Variants in FOXP4 observed in about 807,000 individuals in gnomAD.
FOXP4 encodes the protein forkhead box P4.
FOXP4 carries 25 observed loss-of-function variants against 82.6 expected under a neutral mutation model. The ratio of observed to expected loss-of-function variants is 0.30; its 90% CI spans 0.22 to 0.42. The LOEUF (loss-of-function observed/expected upper bound fraction) is 0.42, where lower values mean the gene tolerates loss of function less well. Ranked by LOEUF, FOXP4 falls within the 10% of genes least tolerant of loss-of-function variation. FOXP4 has a pLI of 1.00. For synonymous variants in FOXP4, 415 were observed against 388.2 expected (o/e 1.07, Z -0.81); for missense variants, 785 against 900.9 (o/e 0.87, Z 1.65).
chr6:41,551,563 A>G (rs1764000603), intron 1 of FOXP4, among the ~76,000 whole-genome samples: 1 of 152,168 alleles, frequency 6.6e-6, no homozygotes, highest in Admixed American at 6.5e-5. Context: ...AGTGCAAGAT[A>G]GAGGTAAATG....
chr6:41,578,129 G>A (rs1765593022), intron 3 of FOXP4, 48 bp downstream of exon 3: 1 of 1,521,436 alleles, frequency 6.6e-7, no homozygotes, highest in Non-Finnish European at 9.1e-7. Flanking sequence ...TGGAGTGTGG[G>A]CCTGGCACAG....
intron 16 of FOXP4, 97 bp from the exon 17 acceptor site, chr6:41,598,692 C>T (rs1767028207): frequency 6.6e-7 from 1 of 1,503,806 alleles, no homozygotes. Flanking sequence ...CTGTGGGCAC[C>T]CCACTGTGCC....
At chr6:41,554,785 G>A (rs1054770108) in intron 1 of FOXP4, among the ~76,000 whole-genome samples, 2 of 152,082 alleles carry the variant, frequency 1.3e-5, no homozygotes, top group South Asian at 2.1e-4. Flanking sequence ...GCTTGAACCC[G>A]GGAGGCGGAG....
intron 14 of FOXP4, 121 bp downstream of exon 14, chr6:41,595,112 G>T: frequency 1.4e-6 from 2 of 1,455,502 alleles, no homozygotes; most frequent in South Asian, 1.3e-5. Flanking sequence ...GGGGGAAGGG[G>T]TGTGGGGAGA....
intron 1 of FOXP4, among the ~76,000 whole-genome samples, chr6:41,547,830 A>G (rs1401947705): frequency 7.0e-6 from 1 of 142,458 alleles, no homozygotes; most frequent in Non-Finnish European, 1.5e-5. Flanking sequence ...CAACCCCAGC[A>G]CCTCTCTGAC....
intron 5 of FOXP4, 111 bp downstream of exon 5, chr6:41,585,628 A>C: frequency 3.2e-6 from 3 of 931,844 alleles, no homozygotes; most frequent in African/African-American, 1.7e-5. Context: ...AAATCTAGAA[A>C]AGGCTGAGGA....
In FOXP4 at chr6:41,598,811, G is replaced by A; in HGVS notation, c.1918G>A (p.Glu640Lys). ...QYSHQVQVKE[E>K]PAEAEEDRQP... is the part of the protein sequence containing the mutation. The stretch of plus-strand genomic sequence containing the variant: ...CAGCCACCAGGTGCAGGTGAAGGAG[G>A]AGCCAGCAGAGGCAGAGGAAGACAG... Residue 640 changes from glutamate to lysine, a missense_variant, in exon 17 of 17, where the codon GAG (glutamate) becomes AAG (lysine). Transcript: ENST00000307972. 6.4e-7 allele frequency: 1 copy of A among 1,567,078 alleles called. No homozygotes were observed. The highest frequency in any genetic ancestry group is 8.7e-7 in the Non-Finnish European group (1 of 1,156,018).
rs139750093 is a variant in FOXP4, at chr6:41,565,818, G to A, written c.58G>A (p.Val20Met). Residue 20 changes from valine (V) to methionine (M), a missense_variant, in exon 2 of 17, where the codon GTG becomes ATG. This residue lies in a region of FOXP4 where 570 missense variants were observed against 634.0 expected (regional missense o/e 0.90). Transcript: ENST00000307972. ...IRSAPSGQNG[V>M]GSLSGQADGS... ...GTCGGCTCCATCTGGTCAGAATGGC[G>A]TGGGCAGCCTCTCTGGGCAAGCCGA... is the stretch of plus-strand genomic sequence containing the variant. 392 of 1,613,722 alleles carry A rather than the reference G, an allele frequency of 2.4e-4. No homozygotes were observed. Among genetic ancestry groups the A allele is most frequent in the Non-Finnish European group, 3.1e-4 (363 of 1,179,972 alleles).
Position 41,589,762 on chromosome 6 carries a change from C to A in FOXP4, c.1066-9C>A. 1 of 1,610,442 alleles carries A rather than the reference C, an allele frequency of 6.2e-7. No individual in the cohort carries two copies. The highest frequency in any genetic ancestry group is 8.5e-7 in the Non-Finnish European group (1 of 1,179,542). ...TCCCGCTCACCTCCTGCTTTGCCAC[C>A]CTCCACAGCTCGCCAAGGAGAGCGA... On this transcript the variant is annotated splice_polypyrimidine_tract_variant and intron_variant, in intron 9 of 16. Coordinates refer to ENST00000307972, the MANE Select transcript of FOXP4 (RefSeq NM_001012426.2).
At chr6:41,588,427 C>A (rs1325427894) in intron 8 of FOXP4, among the ~76,000 whole-genome samples, 1 of 152,224 alleles carries the variant, frequency 6.6e-6, no homozygotes, top group African/African-American at 2.4e-5. Context: ...GCAATTAGAT[C>A]TCTCTGTAGC....
chr6:41,584,930 G>C (rs1431633957), intron 4 of FOXP4, 39 bp downstream of exon 4: 1 of 1,567,688 alleles, frequency 6.4e-7, no homozygotes, highest in African/African-American at 1.3e-5. Flanking sequence ...CTCCTCCTCT[G>C]CCTGGCCTGG....
chr6:41,572,599 CCTT>C (rs1765264635), intron 2 of FOXP4, among the ~76,000 whole-genome samples: 1 of 152,164 alleles, frequency 6.6e-6, no homozygotes, highest in African/African-American at 2.4e-5. Context: ...CCTTCTAGTC[CCTT>C]CTTTTCCTAA....
In FOXP4 at chr6:41,562,563, A is replaced by G. The variant is rs578071153; in HGVS notation, c.-16-3182A>G. On this transcript the variant is annotated intron_variant, in intron 1 of 16. Coordinates refer to ENST00000307972, the MANE Select transcript of FOXP4 (RefSeq NM_001012426.2). ...TCCTTCCTTCTTTCTCTTTTTCCAA[A>G]CTTACTGTCTGATCTGCAACTTTAT... is the stretch of plus-strand genomic sequence containing the variant. Among the ~76,000 whole-genome samples, 3 of 152,126 alleles carry G rather than the reference A, an allele frequency of 2.0e-5. No homozygotes were observed. The South Asian group carries it at 6.2e-4, about 32-fold the overall frequency.
At chr6:41,547,541 T>C (rs936035527) in intron 1 of FOXP4, 1 of 152,328 alleles carries the variant, frequency 6.6e-6, no homozygotes, top group African/African-American at 2.4e-5. Flanking sequence ...TCAGCCCCTT[T>C]TCCATCGCTC....
chr6:41,597,526 G>A (rs1766918948), intron 15 of FOXP4, among the ~76,000 whole-genome samples: 1 of 152,156 alleles, frequency 6.6e-6, no homozygotes, highest in Admixed American at 6.5e-5. Flanking sequence ...TTCCCTGGGA[G>A]AGGGGATAAG....
chr6:41,586,564 G>T (rs143466624), intron 5 of FOXP4, among the ~76,000 whole-genome samples: 21 of 152,350 alleles, frequency 1.4e-4, no homozygotes, highest in African/African-American at 5.0e-4. Flanking sequence ...AGAGCTGGGG[G>T]AGAGAAAACT....
chr6:41,570,769 T>G (rs1284294116), intron 2 of FOXP4, among the ~76,000 whole-genome samples: 1 of 152,170 alleles, frequency 6.6e-6, no homozygotes, highest in Non-Finnish European at 1.5e-5. Flanking sequence ...GGGAGATGAA[T>G]GTTCCTTCTG....
intron 4 of FOXP4, 42 bp downstream of exon 4, chr6:41,584,933 T>TG: frequency 6.4e-7 from 1 of 1,564,620 alleles, no homozygotes; most frequent in Non-Finnish European, 8.6e-7. Flanking sequence ...CTCCTCTGCC[T>TG]GGCCTGGCTC....
At position 41,600,489 on chromosome 6, in the gene FOXP4, C is replaced by T. The variant is rs2127414804; in HGVS notation, c.*1553C>T. On this transcript the variant is annotated 3_prime_UTR_variant, in exon 17 of 17. Coordinates refer to ENST00000307972, the MANE Select transcript of FOXP4 (RefSeq NM_001012426.2). ...TACTGAGAAGACTCCTTGGATATTT[C>T]CCAAGAACCCCCCACATACACCCCT... 6.6e-6 allele frequency: 1 copy of T among 152,608 alleles called. No homozygotes were observed. Among genetic ancestry groups the T allele is most frequent in the African/African-American group, 2.4e-5 (1 of 41,566 alleles). 9.5% of individuals were successfully genotyped at this position (152,608 alleles called of 1,614,324 possible). A position where few individuals can be genotyped will look rare whatever the true frequency, so the allele number is the denominator to read the frequency against.
Sources: allele counts gnomAD v4.1 joint callset (sites outside exome capture counted in the v4.1 genomes callset), GRCh38; gene constraint gnomAD v4.1.1; regional missense constraint gnomAD v4.1.1; transcripts MANE v1.5; gene names NCBI Gene and HGNC (gene_info 2026-07-23, HGNC 2026-07-21).